The following DLD variants were observed in gnomAD, a reference collection of about 807,000 sequenced individuals.
DLD encodes the protein dihydrolipoyl dehydrogenase, mitochondrial.
DLD carries 36 observed loss-of-function variants against 62.2 expected under a neutral mutation model. That is an observed-to-expected ratio of 0.58 (90% CI 0.44 to 0.76). DLD has a LOEUF of 0.76. Ranked by LOEUF, DLD falls within the 30% of genes least tolerant of loss-of-function variation. DLD has a pLI of 0.00. For synonymous variants in DLD, 204 were observed against 199.6 expected (o/e 1.02, Z -0.19); for missense variants, 541 against 608.6 (o/e 0.89, Z 1.17).
intron 8 of DLD, among the ~76,000 whole-genome samples, chr7:107,908,666 CAA>C (rs34468175): frequency 3.1e-4 from 34 of 111,352 alleles, no homozygotes; most frequent in East Asian, 1.4e-3. Context: ...GACCCTGTCT[CAA>C]AAAAAAAAAA....
intron 10 of DLD, 44 bp downstream of exon 10, chr7:107,917,008 A>T (rs757532112): frequency 6.3e-7 from 1 of 1,589,922 alleles, no homozygotes. Context: ...TTTAAAATTG[A>T]TTTCAAACAG....
chr7:107,898,252 T>TG (rs2031779870), intron 2 of DLD, among the ~76,000 whole-genome samples: 1 of 151,148 alleles, frequency 6.6e-6, no homozygotes, highest in Admixed American at 6.6e-5. Context: ...GTATTTCATT[T>TG]AACTACTTTT....
At chr7:107,898,638 T>TGGA (rs1554397717) in intron 2 of DLD, among the ~76,000 whole-genome samples, 1 of 150,388 alleles carries the variant, frequency 6.6e-6, no homozygotes, top group Non-Finnish European at 1.5e-5. Flanking sequence ...TCGCCCAGGC[T>TGGA]GGAGTGCAGT....
intron 2 of DLD, among the ~76,000 whole-genome samples, chr7:107,895,197 T>C (rs927959700): frequency 2.0e-5 from 3 of 152,228 alleles, no homozygotes; most frequent in African/African-American, 7.2e-5. Context: ...CCCCATTTTA[T>C]AGATGGAAGA....
intron 2 of DLD, among the ~76,000 whole-genome samples, chr7:107,896,432 T>A (rs1227863844): frequency 6.6e-6 from 1 of 152,228 alleles, no homozygotes; most frequent in Non-Finnish European, 1.5e-5. Context: ...TACCCCCATG[T>A]TGTATCAAAG....
At chr7:107,908,633 C>T (rs1337011467) in intron 8 of DLD, among the ~76,000 whole-genome samples, 1 of 150,458 alleles carries the variant, frequency 6.6e-6, no homozygotes, top group African/African-American at 2.4e-5. Context: ...TGCCAGTGCA[C>T]TCCATCCTGG....
intron 9 of DLD, 29 bp downstream of exon 9, chr7:107,915,725 A>G: frequency 6.3e-7 from 1 of 1,596,506 alleles, no homozygotes; most frequent in East Asian, 2.2e-5. Context: ...TTTTTGATGT[A>G]TCATCCCTGT....
At chr7:107,909,998 A>C (rs2032102311) in intron 8 of DLD, among the ~76,000 whole-genome samples, 1 of 151,856 alleles carries the variant, frequency 6.6e-6, no homozygotes, top group South Asian at 2.1e-4. Context: ...GATTACAGGC[A>C]CGCACCACCA....
intron 2 of DLD, 147 bp from the exon 3 acceptor site, chr7:107,901,591 A>C (rs1584461809): frequency 1.5e-6 from 1 of 680,446 alleles, no homozygotes; most frequent in East Asian, 2.8e-5. Flanking sequence ...AAGTAGTAGT[A>C]ATAAAATAGT....
chr7:107,900,327 T>A, intron 2 of DLD, among the ~76,000 whole-genome samples: 1 of 152,134 alleles, frequency 6.6e-6, no homozygotes, highest in African/African-American at 2.4e-5. Flanking sequence ...GAGGGGGTGA[T>A]GCAAATTAAA....
chr7:107,906,132 A>G (rs560944473), intron 7 of DLD, 135 bp from the exon 8 acceptor site: 2 of 618,648 alleles, frequency 3.2e-6, no homozygotes, highest in African/African-American at 1.8e-5. Context: ...TACAGATGCA[A>G]CCATCAATTT....
intron 1 of DLD, among the ~76,000 whole-genome samples, chr7:107,892,094 A>G (rs910271297): frequency 1.3e-5 from 2 of 152,176 alleles, no homozygotes; most frequent in Non-Finnish European, 1.5e-5. Context: ...GAAACTCAGG[A>G]TTGTCAATCT....
At chr7:107,898,751 C>T (rs943616473) in intron 2 of DLD, among the ~76,000 whole-genome samples, 2 of 151,116 alleles carry the variant, frequency 1.3e-5, no homozygotes, top group East Asian at 2.0e-4. Flanking sequence ...CCACCACGCC[C>T]GGCTAATTTT....
chr7:107,912,538 A>G (rs1439437570), intron 8 of DLD, among the ~76,000 whole-genome samples: 1 of 152,058 alleles, frequency 6.6e-6, no homozygotes, highest in Non-Finnish European at 1.5e-5. Context: ...GGGTGAGATG[A>G]TAGCTCATTG....
intron 4 of DLD, among the ~76,000 whole-genome samples, chr7:107,903,258 C>T (rs927066788): frequency 1.3e-5 from 2 of 151,964 alleles, no homozygotes; most frequent in Non-Finnish European, 1.5e-5. Flanking sequence ...ATTAGCCAGG[C>T]GTGGTGATGC....
At chr7:107,903,659 A>G (rs2031933502) in intron 5 of DLD, 112 bp downstream of exon 5, 1 of 610,958 alleles carries the variant, frequency 1.6e-6, no homozygotes, top group African/African-American at 1.9e-5. Context: ...GTGAAGGAAG[A>G]GTAAAATAAA....
Position 107,897,178 on chromosome 7 carries a change from C to T in DLD, c.118+3900C>T, listed in dbSNP as rs574269903. 2.6e-3 allele frequency among the ~76,000 whole-genome samples: 399 copies of T among 152,208 alleles called. 1 individual carries two copies. The highest frequency in any genetic ancestry group is 9.2e-3 in the African/African-American group (383 of 41,558). On this transcript the variant is annotated intron_variant, in intron 2 of 13. Transcript: ENST00000205402. ...TTATTTTGACATGTGCCTCTTTTTT[C>T]TCACTGTGTTTTAAGGTTATTGAAG... is the stretch of plus-strand genomic sequence containing the variant.
chr7:107,919,187 C>T lies in DLD; in HGVS notation c.1465-7C>T, dbSNP rs886061908. 1 of 1,613,188 alleles carries T rather than the reference C, an allele frequency of 6.2e-7. No homozygotes were observed. The highest frequency in any genetic ancestry group is 8.5e-7 in the Non-Finnish European group (1 of 1,179,486). Reference sequence around the variant, plus strand: ...TGGATTTTAATTTTAAATTTCTTCCCTTGCAGACCTTATCAGAAGCTTTTA... The same window carrying T: ...TGGATTTTAATTTTAAATTTCTTCCTTTGCAGACCTTATCAGAAGCTTTTA... On this transcript the variant is annotated splice_region_variant and splice_polypyrimidine_tract_variant and intron_variant, in intron 13 of 13. Coordinates refer to ENST00000205402, the MANE Select transcript of DLD (RefSeq NM_000108.5).
intron 1 of DLD, among the ~76,000 whole-genome samples, chr7:107,891,823 C>G (rs2031586426): frequency 6.6e-6 from 1 of 152,190 alleles, no homozygotes; most frequent in Admixed American, 6.5e-5. Flanking sequence ...AACTGGTGTT[C>G]ATTGCCATCT....
Sources: gnomAD v4.1 joint callset for allele counts (sites outside exome capture counted in the v4.1 genomes callset) on GRCh38, gnomAD v4.1.1 for gene constraint, MANE v1.5 for transcripts, NCBI Gene and HGNC (gene_info 2026-07-23, HGNC 2026-07-21) for gene names.